PEAK1: variants seen among roughly 807,000 people sequenced by gnomAD.
PEAK1 encodes pseudopodium enriched atypical kinase 1.
A neutral mutation model predicts 124.7 loss-of-function variants in PEAK1; 54 were observed. The observed-to-expected ratio is 0.43, with a 90% CI of 0.35 to 0.54. The LOEUF is 0.54. PEAK1 is among the 20% of genes least tolerant of loss of function. The probability of loss-of-function intolerance (pLI) is 0.01; values close to 1 mark genes in which losing one functional copy is unlikely to be tolerated. For synonymous variants in PEAK1, 719 were observed against 760.0 expected (o/e 0.95, Z 0.89); for missense variants, 2,046 against 2,134.5 (o/e 0.96, Z 0.82).
intron 2 of PEAK1, among the ~76,000 whole-genome samples, chr15:77,339,397 A>T (rs567847695): frequency 6.6e-6 from 1 of 152,186 alleles, no homozygotes; most frequent in Non-Finnish European, 1.5e-5. Context: ...TTTGGTAAGT[A>T]CTTTAGATAC....
intron 1 of PEAK1, among the ~76,000 whole-genome samples, chr15:77,414,999 T>A (rs2072754976): frequency 6.6e-6 from 1 of 152,254 alleles, no homozygotes; most frequent in African/African-American, 2.4e-5. Flanking sequence ...AAGCAGCAGA[T>A]AACAGCCTGG....
intron 5 of PEAK1, among the ~76,000 whole-genome samples, chr15:77,262,165 G>C (rs1054329972): frequency 6.6e-6 from 1 of 152,150 alleles, no homozygotes; most frequent in Non-Finnish European, 1.5e-5. Context: ...ATGTCAAACT[G>C]TAAAGACCAT....
downstream of PEAK1, chr15:77,103,577 G>A (rs1458482380): frequency 6.6e-6 from 1 of 152,194 alleles, no homozygotes; most frequent in Non-Finnish European, 1.5e-5. Context: ...AGGGGTTGAG[G>A]ACTTTACAAC....
At position 77,265,772 on chromosome 15, in the gene PEAK1, C is replaced by T. The variant is rs1254981992; in HGVS notation, c.-274-13246G>A. ...CATTACTGGGTATATACCCAAAGGA[C>T]TATAAATCATGCTGCTATAAAGACA... On this transcript the variant is annotated intron_variant, in intron 5 of 9. Transcript: ENST00000682557. Among the ~76,000 whole-genome samples the T allele has an allele frequency of 7.5e-4, 114 of 151,878 alleles. 1 individual carries two copies. Among genetic ancestry groups the T allele is most frequent in the East Asian group, 5.8e-4 (3 of 5,170 alleles).
intron 2 of PEAK1, among the ~76,000 whole-genome samples, chr15:77,288,614 G>C (rs1459719611): frequency 6.6e-6 from 1 of 152,234 alleles, no homozygotes; most frequent in Non-Finnish European, 1.5e-5. Flanking sequence ...GATCCAAGGA[G>C]TAATTGTTCA....
intron 9 of PEAK1, among the ~76,000 whole-genome samples, chr15:77,116,812 A>G (rs923420303): frequency 6.6e-6 from 1 of 152,150 alleles, no homozygotes; most frequent in Non-Finnish European, 1.5e-5. Context: ...GTTTGAGGAT[A>G]TACTAAGTAT....
At chr15:77,219,491 T>C (rs921731827) in intron 6 of PEAK1, among the ~76,000 whole-genome samples, 6 of 152,140 alleles carry the variant, frequency 3.9e-5, no homozygotes, top group Admixed American at 2.6e-4. Context: ...ATAAGGACTT[T>C]AGTATCAGTT....
chr15:77,416,207 C>G (rs2072874256), intron 1 of PEAK1, among the ~76,000 whole-genome samples: 1 of 152,180 alleles, frequency 6.6e-6, no homozygotes, highest in Non-Finnish European at 1.5e-5. Flanking sequence ...CATGACAAAT[C>G]TCTATTTCCT....
chr15:77,366,209 T>C (rs2068227374), intron 1 of PEAK1, among the ~76,000 whole-genome samples: 1 of 152,144 alleles, frequency 6.6e-6, no homozygotes, highest in Admixed American at 6.5e-5. Context: ...GCCACTGAAA[T>C]GTACACAGAC....
At chr15:77,369,685 T>C (rs1040954870) in intron 1 of PEAK1, among the ~76,000 whole-genome samples, 2 of 149,126 alleles carry the variant, frequency 1.3e-5, no homozygotes, top group African/African-American at 2.6e-5. Context: ...AAATAATTCA[T>C]AAATGGATGA....
intron 1 of PEAK1, among the ~76,000 whole-genome samples, chr15:77,410,767 C>T (rs920917411): frequency 6.6e-6 from 1 of 152,150 alleles, no homozygotes; most frequent in Admixed American, 6.5e-5. Context: ...CACACTGGTC[C>T]ATAAACCTGG....
chr15:77,203,938 G>A (rs1273101955), intron 6 of PEAK1, among the ~76,000 whole-genome samples: 1 of 151,898 alleles, frequency 6.6e-6, no homozygotes, highest in Non-Finnish European at 1.5e-5. Context: ...AATTAAAAAC[G>A]TCTACTCTGC....
chr15:77,412,124 CCTT>C (rs1270625900), intron 1 of PEAK1, among the ~76,000 whole-genome samples: 1 of 152,188 alleles, frequency 6.6e-6, no homozygotes, highest in Non-Finnish European at 1.5e-5. Context: ...AACTGCTCCT[CCTT>C]ATCTCTCTGA....
chr15:77,247,326 A>G (rs972700646), intron 6 of PEAK1, among the ~76,000 whole-genome samples: 3 of 152,080 alleles, frequency 2.0e-5, no homozygotes, highest in Admixed American at 6.6e-5. Context: ...CATCAGCTCT[A>G]TGATAGTTAT....
chr15:77,223,839 C>A (rs1026534187), intron 6 of PEAK1, among the ~76,000 whole-genome samples: 15 of 150,680 alleles, frequency 1.0e-4, no homozygotes, highest in Non-Finnish European at 1.9e-4. Flanking sequence ...AATATCTGAC[C>A]AGATGATGAG....
intron 7 of PEAK1, among the ~76,000 whole-genome samples, chr15:77,168,301 C>T (rs531156246): frequency 6.6e-6 from 1 of 150,656 alleles, no homozygotes; most frequent in Admixed American, 6.6e-5. Context: ...ATAGAGAGTA[C>T]CAAACCTTTC....
chr15:77,178,752 T>TA (rs1567069821), intron 7 of PEAK1, 38 bp downstream of exon 7: 10 of 1,574,160 alleles, frequency 6.4e-6, no homozygotes, highest in South Asian at 1.2e-5. Context: ...GAAAATGTGT[T>TA]AAAAAATTCC....
intron 5 of PEAK1, among the ~76,000 whole-genome samples, chr15:77,279,908 T>C (rs2062570283): frequency 6.6e-6 from 1 of 152,154 alleles, no homozygotes; most frequent in Non-Finnish European, 1.5e-5. Flanking sequence ...TACAGATCAG[T>C]AATTGTTAGA....
intron 2 of PEAK1, among the ~76,000 whole-genome samples, chr15:77,354,240 CAAAT>C (rs2067368861): frequency 2.6e-5 from 4 of 152,176 alleles, no homozygotes. Context: ...GGAAAGGAAA[CAAAT>C]AGTGCCACAC....
Sources: gnomAD v4.1 joint callset for allele counts (sites outside exome capture counted in the v4.1 genomes callset) on GRCh38, gnomAD v4.1.1 for gene constraint, MANE v1.5 for transcripts, NCBI Gene and HGNC (gene_info 2026-07-23, HGNC 2026-07-21) for gene names.